Variants in GPR107 observed in about 807,000 individuals in gnomAD.
GPR107 encodes the protein G protein-coupled receptor 107.
A neutral mutation model predicts 75.5 loss-of-function variants in GPR107; 31 were observed. That is an observed-to-expected ratio of 0.41 (90% confidence interval 0.31 to 0.55). The LOEUF (loss-of-function observed/expected upper bound fraction) is 0.55, where lower values mean the gene tolerates loss of function less well. Among genes scored for constraint, GPR107 ranks in the 20% least tolerant of loss-of-function variants. The pLI is 0.26. For synonymous variants in GPR107, 267 were observed against 251.3 expected (o/e 1.06, Z -0.59); for missense variants, 572 against 665.7 (o/e 0.86, Z 1.55).
chr9:130,054,605 C>T (rs557701936), intron 1 of GPR107, among the ~76,000 whole-genome samples: 1 of 152,300 alleles, frequency 6.6e-6, no homozygotes, highest in East Asian at 1.9e-4. Context: ...GAATGTAAAG[C>T]CAGCATTAAG....
intron 1 of GPR107, among the ~76,000 whole-genome samples, chr9:130,072,971 G>A (rs1185750359): frequency 2.0e-5 from 3 of 152,112 alleles, no homozygotes; most frequent in South Asian, 2.1e-4. Flanking sequence ...TTTCCAGAAC[G>A]TAGACACACT....
rs1347097040 is a variant in GPR107 at position 130,128,704 on chromosome 9, C to T, written c.1505C>T (p.Ser502Leu). 5 of 1,610,582 alleles carry T rather than the reference C, an allele frequency of 3.1e-6. No individual in the cohort carries two copies. Among genetic ancestry groups the T allele is most frequent in the Non-Finnish European group, 4.2e-6 (5 of 1,176,868 alleles). The change falls in exon 17 of 18, where the codon TCA becomes TTA. Residue 502 changes from serine to leucine, a missense_variant. Transcript: ENST00000347136. ...VLTGYKFRPA[S>L]DNPYLQLSQE... is the part of the protein sequence containing the mutation. Reference sequence around the variant, plus strand: ...ACGGGGTATAAATTCCGTCCGGCTTCAGATAACCCCTACCTACAACTTTCT... The same window carrying T: ...ACGGGGTATAAATTCCGTCCGGCTTTAGATAACCCCTACCTACAACTTTCT...
In GPR107 at chr9:130,112,625, G is replaced by C. The variant is rs774809728; in HGVS notation, c.1306+5086G>C. Reference sequence around the variant, plus strand: ...TAATATTCTGTGAGACAGCATGGGAGGTGTGCACACAGCACTGCTGCTGGG... The same window carrying C: ...TAATATTCTGTGAGACAGCATGGGACGTGTGCACACAGCACTGCTGCTGGG... On this transcript the variant is annotated intron_variant, in intron 14 of 17. Transcript: ENST00000347136. The surrounding 1 kb of genome is among the most constrained non-coding windows in gnomAD (Gnocchi z 4.0). 2.0e-5 allele frequency among the ~76,000 whole-genome samples: 3 copies of C among 152,242 alleles called. No individual in the cohort carries two copies. Among genetic ancestry groups the C allele is most frequent in the Non-Finnish European group, 4.4e-5 (3 of 68,050 alleles).
chr9:130,087,102 A>T (rs1368593623), intron 7 of GPR107, among the ~76,000 whole-genome samples: 1 of 151,548 alleles, frequency 6.6e-6, no homozygotes, highest in African/African-American at 2.4e-5. Context: ...CAATGGTATA[A>T]TCACGGCTCA....
chr9:130,069,249 G>A (rs774770638), intron 1 of GPR107, among the ~76,000 whole-genome samples: 13 of 152,202 alleles, frequency 8.5e-5, no homozygotes, highest in Non-Finnish European at 1.5e-4. Flanking sequence ...TTGAGGTGAT[G>A]TATGAAGCTC....
chr9:130,111,690 CAGTTTTGGGGTGAATA>C (rs1193923027), intron 14 of GPR107, among the ~76,000 whole-genome samples: 33 of 712 alleles, frequency 0.046, no homozygotes, highest in Admixed American at 0.28. Flanking sequence ...ATACAGCTTT[CAGTTTTGGGGTGAATA>C]CAGTTTTCAG....
At position 130,124,912 on chromosome 9, in the gene GPR107, T is replaced by A; in HGVS notation, c.1307-3T>A. 6.5e-7 allele frequency: 1 copy of A among 1,545,684 alleles called. No individual in the cohort carries two copies. Among genetic ancestry groups the A allele is most frequent in the Non-Finnish European group, 8.8e-7 (1 of 1,131,678 alleles). On this transcript the variant is annotated splice_polypyrimidine_tract_variant and splice_region_variant and intron_variant, in intron 14 of 17. Transcript: ENST00000347136. ...TCTTCATTTTGTTCTTTCTTCTCTC[T>A]AGCTGCTATTAACTTAGCAAAGCTG...
chr9:130,108,073 C>G (rs1224695375), intron 14 of GPR107, among the ~76,000 whole-genome samples: 1 of 152,144 alleles, frequency 6.6e-6, no homozygotes, highest in Non-Finnish European at 1.5e-5. Context: ...CCAGTCATGC[C>G]TCCTAAATCA....
intron 5 of GPR107, 96 bp from the exon 6 acceptor site, chr9:130,083,469 A>G: frequency 1.6e-6 from 1 of 637,578 alleles, no homozygotes; most frequent in Non-Finnish European, 2.5e-6. Flanking sequence ...ATTTGATATT[A>G]GACAAGCTGA....
chr9:130,109,606 G>C (rs1429418131), intron 14 of GPR107, among the ~76,000 whole-genome samples: 1 of 143,042 alleles, frequency 7.0e-6, no homozygotes, highest in Non-Finnish European at 1.5e-5. Context: ...GTCTCGCACT[G>C]TCTGCCAGGC....
chr9:130,112,994 C>G lies in GPR107; in HGVS notation c.1306+5455C>G, dbSNP rs1831341269. Among the ~76,000 whole-genome samples the G allele has an allele frequency of 6.6e-6, 1 of 152,140 alleles. No homozygotes were observed. Among genetic ancestry groups the G allele is most frequent in the African/African-American group, 2.4e-5 (1 of 41,438 alleles). On this transcript the variant is annotated intron_variant, in intron 14 of 17. Coordinates refer to ENST00000347136, the MANE Select transcript of GPR107 (RefSeq NM_020960.5). This position sits in a 1 kb window ranked among gnomAD's most constrained non-coding sequence, Gnocchi z 4.0. ...CAAACTCCTGAGCTCAAGTGATCCA[C>G]CCACCTAGGCCTCCCAGAGTACTGA...
At chr9:130,125,976 A>T (rs888577089) in intron 15 of GPR107, among the ~76,000 whole-genome samples, 2 of 149,708 alleles carry the variant, frequency 1.3e-5, no homozygotes, top group Admixed American at 6.7e-5. Flanking sequence ...AATCGCTTGA[A>T]CCCAGGAGGC....
intron 14 of GPR107, among the ~76,000 whole-genome samples, chr9:130,118,957 C>T (rs72759139): frequency 0.079 from 11,968 of 152,286 alleles, 609 homozygotes; most frequent in East Asian, 0.14. Context: ...TCTCCCCACA[C>T]TCATTCTTTC....
At chr9:130,069,978 T>C (rs1830160189) in intron 1 of GPR107, among the ~76,000 whole-genome samples, 1 of 136,300 alleles carries the variant, frequency 7.3e-6, no homozygotes. Flanking sequence ...CCACCGTGCC[T>C]GGCCTCTTTT....
chr9:130,066,475 T>A (rs1830071787), intron 1 of GPR107, among the ~76,000 whole-genome samples: 3 of 152,080 alleles, frequency 2.0e-5, no homozygotes, highest in African/African-American at 7.2e-5. Flanking sequence ...TTCTGGTAAA[T>A]CTCAAACCTT....
intron 14 of GPR107, among the ~76,000 whole-genome samples, chr9:130,107,780 C>A (rs1564677464): frequency 6.6e-6 from 1 of 152,168 alleles, no homozygotes; most frequent in Non-Finnish European, 1.5e-5. Flanking sequence ...TGATTCATTT[C>A]ATTTCCACTC....
intron 1 of GPR107, among the ~76,000 whole-genome samples, chr9:130,066,077 C>A (rs1051007140): frequency 1.3e-5 from 2 of 151,964 alleles, no homozygotes; most frequent in Non-Finnish European, 2.9e-5. Flanking sequence ...GAGACCAAGG[C>A]GGGTGGATCA....
At chr9:130,083,624 G>C in intron 6 of GPR107, 22 bp downstream of exon 6, 1 of 1,476,700 alleles carries the variant, frequency 6.8e-7, no homozygotes, top group Non-Finnish European at 9.0e-7. Flanking sequence ...CCACCCTTTT[G>C]TGCTCAGCTT....
rs527642548 is a variant in GPR107 at position 130,139,861 on chromosome 9, C to G, written c.*4740C>G. 7.2e-5 allele frequency: 11 copies of G among 152,318 alleles called. No homozygotes were observed. In the East Asian group the frequency reaches 2.1e-3, roughly 29 times the overall value. 9.4% of individuals were successfully genotyped at this position (152,318 alleles called of 1,614,324 possible). The stretch of plus-strand genomic sequence containing the variant: ...ATGGGGGCTTTGACTCTTCAAACAG[C>G]TTTTGCAGATCGTAAATTGCATTTG... On this transcript the variant is annotated 3_prime_UTR_variant, in exon 18 of 18. Transcript: ENST00000347136.
Sources: gnomAD v4.1 joint callset for allele counts (sites outside exome capture counted in the v4.1 genomes callset) on GRCh38, gnomAD v4.1.1 for gene constraint, Gnocchi (gnomAD v3.1) non-coding constraint, MANE v1.5 for transcripts, NCBI Gene and HGNC (gene_info 2026-07-23, HGNC 2026-07-21) for gene names.